The following CILK1 variants were observed in gnomAD, a reference collection of about 807,000 sequenced individuals.
CILK1 encodes the protein serine/threonine-protein kinase ICK.
CILK1 carries 47 observed loss-of-function variants against 79.2 expected under a neutral mutation model. That is an observed-to-expected ratio of 0.59 (90% CI 0.47 to 0.76). CILK1 has a LOEUF of 0.76. Ranked by LOEUF, CILK1 falls within the 30% of genes least tolerant of loss-of-function variation. CILK1 has a pLI of 0.00. For missense variants in CILK1, 660 were observed against 769.5 expected (o/e 0.86, Z 1.68); for synonymous variants, 266 against 275.9 (o/e 0.96, Z 0.36).
In CILK1 at chr6:53,018,429, G is replaced by A; in HGVS notation, c.564C>T (p.Cys188=). Residue 188 remains cysteine (C), a synonymous_variant, in exon 7 of 14, where the codon TGC becomes TGT. Coordinates refer to ENST00000676107, the MANE Select transcript of CILK1 (RefSeq NM_014920.5). Reference sequence around the variant, plus strand: ...TGAGGGTGTAAACTTCTGCCATGATGCAGCCCACCGCCCAGACGTCAATGG... The same window carrying A: ...TGAGGGTGTAAACTTCTGCCATGATACAGCCCACCGCCCAGACGTCAATGG... ...SSPIDVWAVG[C]IMAEVYTLRP... The A allele has an allele frequency of 6.2e-7, 1 of 1,614,130 alleles. No homozygotes were observed. Among genetic ancestry groups the A allele is most frequent in the Admixed American group, 1.7e-5 (1 of 60,016 alleles).
At chr6:53,049,931 G>A (rs369845475) in intron 1 of CILK1, among the ~76,000 whole-genome samples, 2 of 152,024 alleles carry the variant, frequency 1.3e-5, no homozygotes, top group East Asian at 1.9e-4. Flanking sequence ...ATGTTGCCCA[G>A]GTTGGTCTTG....
At chr6:53,010,376 C>A (rs1764500352) in intron 11 of CILK1, among the ~76,000 whole-genome samples, 1 of 152,226 alleles carries the variant, frequency 6.6e-6, no homozygotes, top group African/African-American at 2.4e-5. Context: ...TCCAGCTCAG[C>A]CTGTGCCGCC....
At chr6:53,009,669 CTA>C (rs1764443642) in intron 11 of CILK1, 102 bp from the exon 12 acceptor site, 1 of 1,011,846 alleles carries the variant, frequency 9.9e-7, no homozygotes, top group African/African-American at 1.6e-5. Flanking sequence ...CAAAAACTCT[CTA>C]TGATACAATA....
At chr6:53,028,173 G>A (rs1003763860) in intron 5 of CILK1, among the ~76,000 whole-genome samples, 27 of 149,824 alleles carry the variant, frequency 1.8e-4, no homozygotes, top group Admixed American at 1.3e-3. Flanking sequence ...AAAATTAGCC[G>A]GGCGTGGTGG....
At chr6:53,036,260 A>G (rs1272216809) in intron 3 of CILK1, among the ~76,000 whole-genome samples, 2 of 152,168 alleles carry the variant, frequency 1.3e-5, no homozygotes, top group Non-Finnish European at 2.9e-5. Context: ...TCCTTGGATT[A>G]TCTTTGTTTT....
At chr6:53,052,064 C>T (rs546212003) in intron 1 of CILK1, 1 of 152,172 alleles carries the variant, frequency 6.6e-6, no homozygotes, top group African/African-American at 2.4e-5. Flanking sequence ...CCACCTACCC[C>T]ACAACAGGCC....
rs1362126890 is a variant in CILK1 at position 53,012,040 on chromosome 6, C to A, written c.1340G>T (p.Cys447Phe). 16 of 1,613,822 alleles carry A rather than the reference C, an allele frequency of 9.9e-6. No individual in the cohort carries two copies. Among genetic ancestry groups the A allele is most frequent in the Non-Finnish European group, 1.4e-5 (16 of 1,179,790 alleles). Reference sequence around the variant, plus strand: ...CAAATGTGAGCAGCACACTTGCCTGCAGAGAGTGTCATCACTCTGTCTTTT... The same window carrying A: ...CAAATGTGAGCAGCACACTTGCCTGAAGAGAGTGTCATCACTCTGTCTTTT... The part of the protein sequence containing the change: ...NKKRQSDDTL[C>F]RFESVLDLKP... Residue 447 changes from cysteine to phenylalanine, a missense_variant, in exon 10 of 14, where the codon TGC (cysteine) becomes TTC (phenylalanine). Coordinates refer to ENST00000676107, the MANE Select transcript of CILK1 (RefSeq NM_014920.5).
intron 12 of CILK1, 71 bp downstream of exon 12, chr6:53,009,368 T>G (rs186089918): frequency 2.7e-4 from 400 of 1,485,260 alleles, no homozygotes; most frequent in Admixed American, 6.5e-4. Flanking sequence ...GTCCCATGAC[T>G]CCTTGTGCCC....
chr6:53,021,032 T>C (rs1393258756), intron 5 of CILK1, among the ~76,000 whole-genome samples: 1 of 152,146 alleles, frequency 6.6e-6, no homozygotes, highest in Non-Finnish European at 1.5e-5. Context: ...TCAAAACATC[T>C]CATATCAGCT....
intron 3 of CILK1, among the ~76,000 whole-genome samples, chr6:53,036,234 T>C (rs10484408): frequency 0.18 from 27,844 of 152,166 alleles, 2,795 homozygotes; most frequent in African/African-American, 0.26. Flanking sequence ...CAGAACTTCA[T>C]GTCACAGAGA....
chr6:53,054,148 T>C (rs1402327673), intron 1 of CILK1, among the ~76,000 whole-genome samples: 1 of 152,126 alleles, frequency 6.6e-6, no homozygotes, highest in Non-Finnish European at 1.5e-5. Context: ...CCAGTAAACA[T>C]TAAACATCGA....
At chr6:53,039,016 C>T (rs1007038259) in intron 2 of CILK1, among the ~76,000 whole-genome samples, 3 of 152,288 alleles carry the variant, frequency 2.0e-5, no homozygotes, top group South Asian at 2.1e-4. Flanking sequence ...ACGACTTTCC[C>T]GAGGTCTTAC....
chr6:53,027,481 C>T (rs1166594959), intron 5 of CILK1, among the ~76,000 whole-genome samples: 12 of 152,228 alleles, frequency 7.9e-5, no homozygotes, highest in Non-Finnish European at 1.5e-4. Flanking sequence ...ACCTGCAGCA[C>T]TGTTCTCCCC....
intron 4 of CILK1, 49 bp downstream of exon 4, chr6:53,032,484 T>A: frequency 7.6e-7 from 1 of 1,315,724 alleles, no homozygotes; most frequent in Non-Finnish European, 1.0e-6. Context: ...AAAACACATC[T>A]GCTTTGCCTA....
intron 5 of CILK1, among the ~76,000 whole-genome samples, chr6:53,026,554 T>C (rs889165689): frequency 1.3e-5 from 2 of 152,206 alleles, no homozygotes; most frequent in Non-Finnish European, 2.9e-5. Context: ...CACATACCTG[T>C]TGAAGTAGGG....
Position 53,002,263 on chromosome 6 carries a change from C to A in CILK1, c.*2886G>T, listed in dbSNP as rs921736216. The A allele has an allele frequency of 6.6e-6, 1 of 152,164 alleles. No homozygotes were observed. The allele number at this position is 152,164 out of a possible 1,614,324, so 9.4% of individuals were successfully genotyped here. ...TGGCACTACCTGGGGCACATCAATACCCCTACAACGCACCTTCGTCACTGA... is the reference window on the plus strand; with the variant it reads ...TGGCACTACCTGGGGCACATCAATAACCCTACAACGCACCTTCGTCACTGA... On this transcript the variant is annotated 3_prime_UTR_variant, in exon 14 of 14. Transcript: ENST00000676107.
chr6:53,021,334 C>T (rs541895970), intron 5 of CILK1, among the ~76,000 whole-genome samples: 9 of 65,198 alleles, frequency 1.4e-4, no homozygotes, highest in South Asian at 1.2e-3. Context: ...TGGAGCGGCG[C>T]GGGGGGGTTG....
At chr6:53,022,958 GA>G (rs1765339788) in intron 5 of CILK1, among the ~76,000 whole-genome samples, 1 of 150,942 alleles carries the variant, frequency 6.6e-6, no homozygotes, top group Non-Finnish European at 1.5e-5. Flanking sequence ...TTTTGAGACG[GA>G]GTCTTGCTCT....
At chr6:53,053,413 A>G (rs895254300) in intron 1 of CILK1, among the ~76,000 whole-genome samples, 2 of 152,258 alleles carry the variant, frequency 1.3e-5, no homozygotes, top group Non-Finnish European at 2.9e-5. Flanking sequence ...AAACATGATA[A>G]TTTTAGTACT....
Sources: allele counts gnomAD v4.1 joint callset (sites outside exome capture counted in the v4.1 genomes callset), GRCh38; gene constraint gnomAD v4.1.1; transcripts MANE v1.5; gene names NCBI Gene and HGNC (gene_info 2026-07-23, HGNC 2026-07-21).